Variants in SYT9 observed in about 807,000 individuals in gnomAD.
SYT9 encodes the protein synaptotagmin-9.
In SYT9, 22 loss-of-function variants were observed where a neutral mutation model predicts 48.4. That is an observed-to-expected ratio of 0.45 (90% CI 0.32 to 0.65). The LOEUF (loss-of-function observed/expected upper bound fraction) is 0.65, where lower values mean the gene tolerates loss of function less well. Ranked by LOEUF, SYT9 falls within the 30% of genes least tolerant of loss-of-function variation. The probability of loss-of-function intolerance (pLI) is 0.03; values close to 1 mark genes in which losing one functional copy is unlikely to be tolerated. For missense variants in SYT9, 577 were observed against 622.0 expected (o/e 0.93, Z 0.77); for synonymous variants, 265 against 245.0 (o/e 1.08, Z -0.76).
At chr11:7,387,829 T>C (rs978663282) in intron 3 of SYT9, among the ~76,000 whole-genome samples, 1 of 152,200 alleles carries the variant, frequency 6.6e-6, no homozygotes, top group Non-Finnish European at 1.5e-5. Context: ...TGTTTAAATT[T>C]CATATGTTTA....
At chr11:7,354,074 G>A (rs1235659780) in intron 3 of SYT9, among the ~76,000 whole-genome samples, 1 of 152,128 alleles carries the variant, frequency 6.6e-6, no homozygotes, top group Non-Finnish European at 1.5e-5. Flanking sequence ...TTCAAATAAT[G>A]ATTTGATTGG....
chr11:7,371,475 T>G (rs1850360835), intron 3 of SYT9, among the ~76,000 whole-genome samples: 1 of 150,408 alleles, frequency 6.6e-6, no homozygotes, highest in Non-Finnish European at 1.5e-5. Context: ...ATTTTTTTAT[T>G]TCTTAAATCT....
intron 2 of SYT9, among the ~76,000 whole-genome samples, chr11:7,308,042 C>T (rs906129859): frequency 2.0e-5 from 3 of 152,194 alleles, no homozygotes; most frequent in African/African-American, 7.2e-5. Flanking sequence ...CTTCCTCCTG[C>T]CCTTGTAGTC....
intron 3 of SYT9, among the ~76,000 whole-genome samples, chr11:7,367,024 A>AAGAC (rs896551567): frequency 3.3e-5 from 5 of 151,212 alleles, no homozygotes; most frequent in African/African-American, 1.2e-4. Context: ...AGGTATAAAG[A>AAGAC]AGACAGCAAA....
Position 7,287,114 on chromosome 11 carries a change from G to A in SYT9, c.146-15925G>A, listed in dbSNP as rs371220203. On this transcript the variant is annotated intron_variant, in intron 1 of 6. Coordinates refer to ENST00000318881, the MANE Select transcript of SYT9 (RefSeq NM_175733.4). The stretch of plus-strand genomic sequence containing the variant: ...GACTGGGTAATTTATAAAGGAAAGA[G>A]GTTTAATTGACCCACAGTTCTGCAG... Among the ~76,000 whole-genome samples the A allele has an allele frequency of 1.3e-4, 20 of 152,266 alleles. No individual in the cohort carries two copies. In the East Asian group the frequency reaches 1.7e-3, roughly 13 times the overall value.
At chr11:7,451,916 A>G (rs1359523875) in intron 6 of SYT9, among the ~76,000 whole-genome samples, 1 of 152,200 alleles carries the variant, frequency 6.6e-6, no homozygotes, top group Non-Finnish European at 1.5e-5. Context: ...CATGTACCTC[A>G]TGACCGACAA....
intron 3 of SYT9, among the ~76,000 whole-genome samples, chr11:7,377,528 C>T (rs1267321874): frequency 1.3e-5 from 2 of 152,114 alleles, no homozygotes; most frequent in African/African-American, 4.8e-5. Flanking sequence ...AAGCAGGATT[C>T]AGTCAAGGTA....
intron 2 of SYT9, among the ~76,000 whole-genome samples, chr11:7,311,842 T>A (rs2133950137): frequency 6.6e-6 from 1 of 152,326 alleles, no homozygotes; most frequent in South Asian, 2.1e-4. Flanking sequence ...ATTCTAGCAC[T>A]ACATTGGTTC....
chr11:7,314,339 T>A, intron 3 of SYT9: 1 of 372,480 alleles, frequency 2.7e-6, no homozygotes, highest in Non-Finnish European at 5.2e-6. Flanking sequence ...CTGACAGCAG[T>A]AGGTACTTAC....
At chr11:7,355,076 C>A (rs948646600) in intron 3 of SYT9, among the ~76,000 whole-genome samples, 1 of 152,174 alleles carries the variant, frequency 6.6e-6, no homozygotes, top group Admixed American at 6.5e-5. Context: ...GGTCGACAAC[C>A]AAGATAAAAG....
intron 3 of SYT9, among the ~76,000 whole-genome samples, chr11:7,357,615 T>C (rs1357943070): frequency 6.6e-6 from 1 of 152,072 alleles, no homozygotes; most frequent in Non-Finnish European, 1.5e-5. Flanking sequence ...TTATATTCCA[T>C]CAATTGCATC....
chr11:7,253,720 G>A (rs1205732677), intron 1 of SYT9, among the ~76,000 whole-genome samples: 1 of 152,184 alleles, frequency 6.6e-6, no homozygotes. Context: ...GGTTTCCAGG[G>A]AGGTTTAATG....
intron 3 of SYT9, among the ~76,000 whole-genome samples, chr11:7,357,338 T>C (rs971794387): frequency 6.6e-6 from 1 of 152,158 alleles, no homozygotes; most frequent in African/African-American, 2.4e-5. Context: ...CTTACCTTGA[T>C]AGAATAGCAA....
At chr11:7,338,219 A>T (rs976043573) in intron 3 of SYT9, among the ~76,000 whole-genome samples, 8 of 152,108 alleles carry the variant, frequency 5.3e-5, no homozygotes, top group African/African-American at 1.9e-4. Flanking sequence ...CTCCTTTGTC[A>T]TTTCTAATTG....
chr11:7,243,146 T>G (rs1817663), intron 1 of SYT9, among the ~76,000 whole-genome samples: 9,198 of 151,994 alleles, frequency 0.061, 487 homozygotes, highest in African/African-American at 0.15. Flanking sequence ...AAAATATATA[T>G]AGAGAAAAAA....
At chr11:7,465,271 C>T (rs966525335) in intron 6 of SYT9, among the ~76,000 whole-genome samples, 4 of 152,178 alleles carry the variant, frequency 2.6e-5, no homozygotes, top group Admixed American at 2.0e-4. Context: ...TTCAAAGCCA[C>T]GGGTCACAAT....
At chr11:7,265,668 C>CT (rs386353084) in intron 1 of SYT9, among the ~76,000 whole-genome samples, 30,281 of 144,878 alleles carry the variant, frequency 0.21, 3,345 homozygotes, top group African/African-American at 0.27. Context: ...ATCATGGATT[C>CT]TTTTTTTTTT....
At chr11:7,362,438 G>C (rs1850157448) in intron 3 of SYT9, among the ~76,000 whole-genome samples, 1 of 152,176 alleles carries the variant, frequency 6.6e-6, no homozygotes, top group Non-Finnish European at 1.5e-5. Context: ...ACCAGCCCCA[G>C]TAGTTTTCCA....
chr11:7,397,082 C>T (rs11821927), intron 3 of SYT9, among the ~76,000 whole-genome samples: 22,200 of 152,028 alleles, frequency 0.15, 2,247 homozygotes, highest in African/African-American at 0.29. Flanking sequence ...TAATCCAAAT[C>T]GTGGACATTT....
Sources: gnomAD v4.1 joint callset for allele counts (sites outside exome capture counted in the v4.1 genomes callset) on GRCh38, gnomAD v4.1.1 for gene constraint, MANE v1.5 for transcripts, NCBI Gene and HGNC (gene_info 2026-07-23, HGNC 2026-07-21) for gene names.